RNF180: variants seen among roughly 807,000 people sequenced by gnomAD.
RNF180 encodes the protein E3 ubiquitin-protein ligase RNF180.
In RNF180, 38 loss-of-function variants were observed where a neutral mutation model predicts 59.2. The ratio of observed to expected loss-of-function variants is 0.64; its 90% CI spans 0.50 to 0.84. The LOEUF (loss-of-function observed/expected upper bound fraction) is 0.84. RNF180 is among the 40% of genes least tolerant of loss of function. The probability of loss-of-function intolerance (pLI) is 0.00; values close to 1 mark genes in which losing one functional copy is unlikely to be tolerated. For missense variants in RNF180, 705 were observed against 700.9 expected (o/e 1.01, Z -0.07); for synonymous variants, 262 against 240.3 (o/e 1.09, Z -0.84).
intron 5 of RNF180, among the ~76,000 whole-genome samples, chr5:64,238,610 T>C (rs1021029051): frequency 6.6e-6 from 1 of 152,212 alleles, no homozygotes; most frequent in African/African-American, 2.4e-5. Flanking sequence ...AAAATTTTTA[T>C]ATACCTGTTG....
chr5:64,195,043 G>A (rs995611340), intron 1 of RNF180, among the ~76,000 whole-genome samples: 3 of 152,108 alleles, frequency 2.0e-5, no homozygotes, highest in Admixed American at 2.0e-4. Context: ...TATATTTCTA[G>A]CACCACAGAA....
At chr5:64,308,119 C>A (rs1743568037) in intron 5 of RNF180, among the ~76,000 whole-genome samples, 1 of 151,702 alleles carries the variant, frequency 6.6e-6, no homozygotes, top group Non-Finnish European at 1.5e-5. Context: ...GATTGCAGTG[C>A]AGTTATGCAT....
chr5:64,286,178 G>A (rs563189667), intron 5 of RNF180, among the ~76,000 whole-genome samples: 1 of 152,294 alleles, frequency 6.6e-6, no homozygotes, highest in African/African-American at 2.4e-5. Context: ...TGCAACCTCA[G>A]AAATAGTTTT....
At chr5:64,306,743 A>G (rs575569419) in intron 5 of RNF180, among the ~76,000 whole-genome samples, 10 of 151,512 alleles carry the variant, frequency 6.6e-5, no homozygotes, top group Non-Finnish European at 1.3e-4. Flanking sequence ...CAAACACCAC[A>G]TATTCTCACT....
At chr5:64,330,243 T>G (rs1454775431) in intron 6 of RNF180, 38 bp from the exon 7 acceptor site, 1 of 1,341,844 alleles carries the variant, frequency 7.5e-7, no homozygotes, top group Non-Finnish European at 1.0e-6. Flanking sequence ...TTTACTCAAA[T>G]TAATTTCAAA....
chr5:64,208,133 T>G (rs1382963463), intron 2 of RNF180, among the ~76,000 whole-genome samples: 1 of 152,060 alleles, frequency 6.6e-6, no homozygotes, highest in Non-Finnish European at 1.5e-5. Context: ...ACTGAGAATA[T>G]TCCCAACACT....
intron 7 of RNF180, among the ~76,000 whole-genome samples, chr5:64,357,112 GATGTT>G (rs1467573485): frequency 6.6e-6 from 1 of 151,592 alleles, no homozygotes; most frequent in African/African-American, 2.4e-5. Flanking sequence ...AATTTAAGCA[GATGTT>G]ATAAGTAATG....
rs1448016665 is a variant in RNF180, at chr5:64,370,915, T to A, written c.*1101T>A. ...CCAGTATTACTACACTATGATGTCA[T>A]ATATCTGGTAATTCAATAAGCAAAC... is the stretch of plus-strand genomic sequence containing the variant. On this transcript the variant is annotated 3_prime_UTR_variant, in exon 8 of 8. Transcript: ENST00000389100. The A allele has an allele frequency of 6.6e-6, 1 of 151,666 alleles. No homozygotes were observed. The highest frequency in any genetic ancestry group is 1.5e-5 in the Non-Finnish European group (1 of 67,742). The allele number at this position is 151,666 out of a possible 1,614,324, so 9.4% of individuals were successfully genotyped here. A position where few individuals can be genotyped will look rare whatever the true frequency, so the allele number is the denominator to read the frequency against.
At chr5:64,224,251 T>C (rs1283116762) in intron 5 of RNF180, among the ~76,000 whole-genome samples, 1 of 152,118 alleles carries the variant, frequency 6.6e-6, no homozygotes, top group Non-Finnish European at 1.5e-5. Flanking sequence ...AAAATTCTGA[T>C]GGATGTTATA....
rs1356723076 is a variant in RNF180 at position 64,371,445 on chromosome 5, CTT to C, written c.*1632_*1633del. On this transcript the variant is annotated 3_prime_UTR_variant, in exon 8 of 8. Coordinates refer to ENST00000389100, the MANE Select transcript of RNF180 (RefSeq NM_001113561.2). ...GGTTTATACACTCTAGAAAATATAT[CTT>C]GATTCATTCCTAAATCACAATAAAG... is the stretch of plus-strand genomic sequence containing the variant. The C allele has an allele frequency of 6.6e-6, 1 of 151,466 alleles. No individual in the cohort carries two copies. The allele number at this position is 151,466 out of a possible 1,614,324, so 9.4% of individuals were successfully genotyped here.
intron 5 of RNF180, among the ~76,000 whole-genome samples, chr5:64,232,957 G>A (rs1265443392): frequency 1.3e-5 from 2 of 152,216 alleles, no homozygotes; most frequent in Non-Finnish European, 2.9e-5. Context: ...AAGAAGTTGT[G>A]CTCTTAACCA....
intron 5 of RNF180, among the ~76,000 whole-genome samples, chr5:64,284,187 A>G (rs887896379): frequency 1.3e-5 from 2 of 152,108 alleles, no homozygotes; most frequent in Non-Finnish European, 1.5e-5. Flanking sequence ...TAAGCCCCCA[A>G]TCTCTTCTAG....
chr5:64,332,556 G>T (rs1410780122), intron 7 of RNF180, among the ~76,000 whole-genome samples: 2 of 152,108 alleles, frequency 1.3e-5, no homozygotes, highest in Non-Finnish European at 2.9e-5. Flanking sequence ...TAGTAGTAAA[G>T]ATTAAATGGG....
At chr5:64,238,121 C>T (rs905345016) in intron 5 of RNF180, among the ~76,000 whole-genome samples, 33 of 152,178 alleles carry the variant, frequency 2.2e-4, no homozygotes, top group African/African-American at 7.0e-4. Flanking sequence ...GGCTTATTCA[C>T]TTAGCATAGT....
In RNF180 at chr5:64,371,060, G is replaced by A. The variant is rs1279659896; in HGVS notation, c.*1246G>A. On this transcript the variant is annotated 3_prime_UTR_variant, in exon 8 of 8. Transcript: ENST00000389100. ...TGAAAAGCCAAAATTTAAGCTAATT[G>A]CTACTAACTGTATTTCAATAAAAGC... The A allele has an allele frequency of 6.6e-6, 1 of 151,588 alleles. No homozygotes were observed. The highest frequency in any genetic ancestry group is 1.5e-5 in the Non-Finnish European group (1 of 67,698). 9.4% of individuals were successfully genotyped at this position (151,588 alleles called of 1,614,324 possible).
intron 7 of RNF180, among the ~76,000 whole-genome samples, chr5:64,333,175 A>AAAAAATAAAAATAAAAC (rs1744985596): frequency 6.6e-6 from 1 of 152,010 alleles, no homozygotes; most frequent in Admixed American, 6.6e-5. Flanking sequence ...TTTATTTTTT[A>AAAAAATAAAAATAAAAC]CTCATTTATT....
At position 64,181,430 on chromosome 5, in the gene RNF180, A is replaced by T. The variant is rs543241536; in HGVS notation, c.-1+15477A>T. 1.5e-3 allele frequency among the ~76,000 whole-genome samples: 224 copies of T among 152,336 alleles called. 1 individual carries two copies. Among genetic ancestry groups the T allele is most frequent in the African/African-American group, 5.2e-3 (215 of 41,580 alleles). ...TGACACAAAAAGAACCCTGTTGATT[A>T]TGTGTGGTAGCAATGGCAATTACAG... On this transcript the variant is annotated intron_variant, in intron 1 of 7. Coordinates refer to ENST00000389100, the MANE Select transcript of RNF180 (RefSeq NM_001113561.2).
intron 5 of RNF180, among the ~76,000 whole-genome samples, chr5:64,240,459 T>G (rs1742740616): frequency 6.6e-6 from 1 of 152,198 alleles, no homozygotes; most frequent in African/African-American, 2.4e-5. Context: ...TCAGATTCCT[T>G]AAAATCATTA....
In RNF180 at chr5:64,369,776, G is replaced by T; in HGVS notation, c.1741G>T (p.Val581Phe). The part of the protein sequence containing the change: ...YSVNWVIGFI[V>F]FCFLCYFFFP... The stretch of plus-strand genomic sequence containing the variant: ...AGTGAACTGGGTCATTGGATTCATT[G>T]TTTTCTGCTTTCTTTGCTATTTTTT... Residue 581 changes from valine to phenylalanine, a missense_variant, in exon 8 of 8, where the codon GTT (valine) becomes TTT (phenylalanine). Physicochemically the swap from Val to Phe is conservative, Grantham distance 50. Coordinates refer to ENST00000389100, the MANE Select transcript of RNF180 (RefSeq NM_001113561.2). The T allele has an allele frequency of 6.6e-7, 1 of 1,524,642 alleles. No homozygotes were observed. The highest frequency in any genetic ancestry group is 1.4e-5 in the African/African-American group (1 of 71,590). The allele number at this position is 1,524,642 out of a possible 1,614,324, so 94.4% of individuals were successfully genotyped here. A position where few individuals can be genotyped will look rare whatever the true frequency, so the allele number is the denominator to read the frequency against.
Sources: allele counts gnomAD v4.1 joint callset (sites outside exome capture counted in the v4.1 genomes callset), GRCh38; gene constraint gnomAD v4.1.1; transcripts MANE v1.5; gene names NCBI Gene and HGNC (gene_info 2026-07-23, HGNC 2026-07-21).